FGD4: variants seen among roughly 807,000 people sequenced by gnomAD.
FGD4 encodes the protein FYVE, RhoGEF and PH domain-containing protein 4.
FGD4 carries 42 observed loss-of-function variants against 102.0 expected under a neutral mutation model. The observed-to-expected ratio is 0.41, with a 90% CI of 0.32 to 0.53. The LOEUF (loss-of-function observed/expected upper bound fraction) is 0.53. Among genes scored for constraint, FGD4 ranks in the 20% least tolerant of loss-of-function variants. The pLI is 0.21. For synonymous variants in FGD4, 380 were observed against 375.7 expected, an observed-to-expected ratio of 1.01 and a Z score of -0.13; for missense variants, 902 against 1,078.2, an observed-to-expected ratio of 0.84 and a Z score of 2.29.
chr12:32,529,385 G>A (rs769381603), intron 1 of FGD4, among the ~76,000 whole-genome samples: 7 of 151,568 alleles, frequency 4.6e-5, no homozygotes, highest in Non-Finnish European at 7.4e-5. Context: ...TCAGCCTCCC[G>A]AACTGCTGGG....
At position 32,490,687 on chromosome 12, in the gene FGD4, G is replaced by A. The variant is rs1038132146; in HGVS notation, c.167-73450G>A. Among the ~76,000 whole-genome samples, 5 of 152,072 alleles carry A rather than the reference G, an allele frequency of 3.3e-5. No homozygotes were observed. In the South Asian group the frequency reaches 8.3e-4, roughly 25 times the overall value. On this transcript the variant is annotated intron_variant, in intron 1 of 16. Coordinates refer to ENST00000534526, the MANE Select transcript of FGD4 (RefSeq NM_001370298.3). Reference sequence around the variant, plus strand: ...GCTGGGATTACAGGCATGAGCCACCGCGCCTAGACTTATTAGTCTTTTTTA... The same window carrying A: ...GCTGGGATTACAGGCATGAGCCACCACGCCTAGACTTATTAGTCTTTTTTA...
intron 1 of FGD4, among the ~76,000 whole-genome samples, chr12:32,419,786 A>C (rs543504709): frequency 6.6e-6 from 1 of 151,482 alleles, no homozygotes; most frequent in East Asian, 2.0e-4. Context: ...GGCCAGTCCA[A>C]ATGCTCCTTC....
chr12:32,637,111 A>G (rs1592503493), intron 15 of FGD4, among the ~76,000 whole-genome samples: 1 of 144,594 alleles, frequency 6.9e-6, no homozygotes, highest in African/African-American at 2.5e-5. Context: ...CTTGTCTCAA[A>G]CTCCTGGCCT....
chr12:32,482,014 T>C (rs1943781238), intron 1 of FGD4, among the ~76,000 whole-genome samples: 1 of 152,168 alleles, frequency 6.6e-6, no homozygotes, highest in African/African-American at 2.4e-5. Flanking sequence ...TTGTCACATG[T>C]CTTGGTACCT....
chr12:32,415,687 G>T (rs564671568), intron 1 of FGD4, among the ~76,000 whole-genome samples: 1 of 151,976 alleles, frequency 6.6e-6, no homozygotes, highest in East Asian at 1.9e-4. Context: ...TCCCAAATGC[G>T]GAGCCACCAG....
chr12:32,446,003 T>A (rs1942600690), intron 1 of FGD4, among the ~76,000 whole-genome samples: 1 of 152,042 alleles, frequency 6.6e-6, no homozygotes, highest in Non-Finnish European at 1.5e-5. Context: ...CCGTCTCTAC[T>A]AAAAATACAA....
intron 7 of FGD4, among the ~76,000 whole-genome samples, chr12:32,603,286 G>A (rs1318083390): frequency 6.6e-6 from 1 of 152,174 alleles, no homozygotes; most frequent in Non-Finnish European, 1.5e-5. Context: ...CTTTGTCTGG[G>A]ACTACACTTA....
rs1047249786 is a variant in FGD4, at chr12:32,579,049, T to G, written c.503+2600T>G. Among the ~76,000 whole-genome samples, 10 of 140,222 alleles carry G rather than the reference T, an allele frequency of 7.1e-5. No individual in the cohort carries two copies. In the South Asian group the frequency reaches 9.2e-4, roughly 13 times the overall value. 92.0% of individuals were successfully genotyped at this position (140,222 alleles called of 152,430 possible). A position where few individuals can be genotyped will look rare whatever the true frequency, so the allele number is the denominator to read the frequency against. ...ACCTGAACATTAGTGGTTTTTTTTT[T>G]TTTTTTTTTTTTTTGAGACAGAGTT... On this transcript the variant is annotated intron_variant, in intron 3 of 16. Transcript: ENST00000534526.
At chr12:32,639,298 G>GCT (rs1951028050) in intron 16 of FGD4, among the ~76,000 whole-genome samples, 1 of 151,878 alleles carries the variant, frequency 6.6e-6, no homozygotes, top group Non-Finnish European at 1.5e-5. Context: ...CGAGTAGCTG[G>GCT]GATTACATGT....
intron 9 of FGD4, 124 bp downstream of exon 9, chr12:32,610,958 A>G: frequency 1.6e-6 from 2 of 1,271,000 alleles, no homozygotes; most frequent in Non-Finnish European, 2.2e-6. Flanking sequence ...ATGTTTATGA[A>G]ATGTTTAATG....
At chr12:32,523,511 A>T (rs1218430258) in intron 1 of FGD4, among the ~76,000 whole-genome samples, 2 of 152,214 alleles carry the variant, frequency 1.3e-5, no homozygotes, top group African/African-American at 4.8e-5. Flanking sequence ...GAGGACTGTC[A>T]TGGTAGGTAT....
chr12:32,473,611 A>G (rs753156016), intron 1 of FGD4, among the ~76,000 whole-genome samples: 3 of 152,160 alleles, frequency 2.0e-5, no homozygotes, highest in Non-Finnish European at 4.4e-5. Flanking sequence ...CTGCGGCTTC[A>G]TTCTTGAAGT....
intron 1 of FGD4, among the ~76,000 whole-genome samples, chr12:32,401,287 TCTCA>T (rs1167225095): frequency 5.3e-5 from 8 of 152,242 alleles, no homozygotes; most frequent in African/African-American, 1.9e-4. Flanking sequence ...TGAGACGGAG[TCTCA>T]CTCTGTCGCC....
chr12:32,601,929 A>G (rs1948454481), intron 6 of FGD4, among the ~76,000 whole-genome samples: 1 of 152,134 alleles, frequency 6.6e-6, no homozygotes, highest in Admixed American at 6.5e-5. Context: ...CAACATGGTG[A>G]CACACTATCT....
At chr12:32,537,125 G>T (rs975915970) in intron 1 of FGD4, among the ~76,000 whole-genome samples, 4 of 151,976 alleles carry the variant, frequency 2.6e-5, no homozygotes, top group African/African-American at 7.3e-5. Flanking sequence ...AGCCAGGATG[G>T]TCTCAATCTC....
chr12:32,435,490 A>AT (rs1159213357), intron 1 of FGD4, among the ~76,000 whole-genome samples: 1 of 72,154 alleles, frequency 1.4e-5, no homozygotes, highest in African/African-American at 1.0e-4. Flanking sequence ...GCTAGCTACA[A>AT]TTAAAAAAGT....
chr12:32,533,078 A>C (rs557083236), intron 1 of FGD4, among the ~76,000 whole-genome samples: 39 of 152,250 alleles, frequency 2.6e-4, no homozygotes, highest in African/African-American at 8.9e-4. Flanking sequence ...CAATTTAGCA[A>C]GTCCTTTAAT....
At chr12:32,502,556 T>C (rs1236352443) in intron 1 of FGD4, among the ~76,000 whole-genome samples, 1 of 152,254 alleles carries the variant, frequency 6.6e-6, no homozygotes, top group African/African-American at 2.4e-5. Context: ...AACTGTTTTC[T>C]GCTTGTGAAA....
At chr12:32,599,494 C>CAAAAAAAAAAAAAAAAAAAAAAA (rs777429838) in intron 5 of FGD4, among the ~76,000 whole-genome samples, 9 of 19,674 alleles carry the variant, frequency 4.6e-4, no homozygotes, top group Non-Finnish European at 6.2e-4. Flanking sequence ...GACTCCGTCT[C>CAAAAAAAAAAAAAAAAAAAAAAA]AAAAAAAAAA....
Sources: allele counts gnomAD v4.1 joint callset (sites outside exome capture counted in the v4.1 genomes callset), GRCh38; gene constraint gnomAD v4.1.1; transcripts MANE v1.5; gene names NCBI Gene and HGNC (gene_info 2026-07-23, HGNC 2026-07-21).